ABLIM1: variants seen among roughly 807,000 people sequenced by gnomAD.
ABLIM1 encodes actin binding LIM protein 1, also known as actin-binding LIM protein 1.
A neutral mutation model predicts 107.0 loss-of-function variants in ABLIM1; 40 were observed. The observed-to-expected ratio is 0.37, with a 90% CI of 0.29 to 0.49. The LOEUF (loss-of-function observed/expected upper bound fraction) is 0.49, where lower values mean the gene tolerates loss of function less well. Among genes scored for constraint, ABLIM1 ranks in the 20% least tolerant of loss-of-function variants. The pLI is 0.97. For synonymous variants in ABLIM1, 357 were observed against 357.3 expected, an observed-to-expected ratio of 1.00 and a Z score of 0.01; for missense variants, 857 against 1,008.5, an observed-to-expected ratio of 0.85 and a Z score of 2.04.
At chr10:114,639,784 G>A (rs538017197) in intron 1 of ABLIM1, among the ~76,000 whole-genome samples, 14 of 152,304 alleles carry the variant, frequency 9.2e-5, no homozygotes, top group South Asian at 8.3e-4. Flanking sequence ...ATGGGAGAGC[G>A]GAGCACACAT....
chr10:114,587,429 T>G (rs2074314483), intron 2 of ABLIM1, among the ~76,000 whole-genome samples: 1 of 152,204 alleles, frequency 6.6e-6, no homozygotes, highest in South Asian at 2.1e-4. Flanking sequence ...AGAGCTTACA[T>G]GATCTGATTT....
intron 4 of ABLIM1, among the ~76,000 whole-genome samples, chr10:114,569,044 A>G (rs887306355): frequency 3.3e-5 from 5 of 152,160 alleles, no homozygotes; most frequent in African/African-American, 1.2e-4. Flanking sequence ...AAACCAAACA[A>G]TGAAGAGTAT....
intron 1 of ABLIM1, among the ~76,000 whole-genome samples, chr10:114,729,195 C>A (rs2082022905): frequency 6.6e-6 from 1 of 152,044 alleles, no homozygotes; most frequent in Non-Finnish European, 1.5e-5. Context: ...AGTAGCAGAA[C>A]TAAGATATGA....
chr10:114,536,247 T>C (rs1183974443), intron 6 of ABLIM1, among the ~76,000 whole-genome samples: 20 of 79,336 alleles, frequency 2.5e-4, no homozygotes, highest in African/African-American at 6.8e-4. Flanking sequence ...TTTTTTTTTT[T>C]TTTTTTTTTT....
chr10:114,757,670 C>T (rs1473638292), intron 1 of ABLIM1, among the ~76,000 whole-genome samples: 1 of 152,206 alleles, frequency 6.6e-6, no homozygotes, highest in African/African-American at 2.4e-5. Context: ...ACCATCTTCT[C>T]TTATCTTGAC....
chr10:114,626,806 G>A (rs1337735137), intron 1 of ABLIM1, among the ~76,000 whole-genome samples: 1 of 152,152 alleles, frequency 6.6e-6, no homozygotes, highest in Non-Finnish European at 1.5e-5. Context: ...ATTAGGGTGG[G>A]CCTTAATCCA....
At chr10:114,663,621 G>T (rs11814885) in intron 1 of ABLIM1, among the ~76,000 whole-genome samples, 1,574 of 152,294 alleles carry the variant, frequency 0.01, 27 homozygotes, top group African/African-American at 0.035. Flanking sequence ...ATATACAGCT[G>T]CAAGATATAA....
chr10:114,641,294 A>C (rs933433147), intron 1 of ABLIM1, among the ~76,000 whole-genome samples: 1 of 150,616 alleles, frequency 6.6e-6, no homozygotes, highest in African/African-American at 2.4e-5. Flanking sequence ...CGATGTTAGC[A>C]AATCTTCCCA....
chr10:114,710,747 C>T (rs2081530823), intron 1 of ABLIM1, among the ~76,000 whole-genome samples: 1 of 152,146 alleles, frequency 6.6e-6, no homozygotes, highest in Non-Finnish European at 1.5e-5. Flanking sequence ...TGCCACTGCA[C>T]TCCAGCCTGG....
At chr10:114,748,340 T>C (rs958894926) in intron 1 of ABLIM1, among the ~76,000 whole-genome samples, 8 of 152,172 alleles carry the variant, frequency 5.3e-5, no homozygotes, top group Non-Finnish European at 1.0e-4. Context: ...CAGCTTATAA[T>C]CTGCAATCTA....
At chr10:114,601,688 G>T in intron 2 of ABLIM1, 139 bp downstream of exon 2, 1 of 1,366,196 alleles carries the variant, frequency 7.3e-7, no homozygotes, top group Non-Finnish European at 1.0e-6. Context: ...ATCCCAAACT[G>T]GCAGTAAATG....
At position 114,629,758 on chromosome 10, in the gene ABLIM1, G is replaced by C. The variant is rs999188331; in HGVS notation, c.245-27797C>G. 6.6e-6 allele frequency among the ~76,000 whole-genome samples: 1 copy of C among 152,078 alleles called. No individual in the cohort carries two copies. The highest frequency in any genetic ancestry group is 1.5e-5 in the Non-Finnish European group (1 of 68,026). ...TCTAGGATGAATGCCTGGACTAAAC[G>C]ATCCCCAGTGCCCTTCTCACTTTAA... is the stretch of plus-strand genomic sequence containing the variant. On this transcript the variant is annotated intron_variant, in intron 1 of 22. Transcript: ENST00000533213. The surrounding 1 kb of genome is among the most constrained non-coding windows in gnomAD (Gnocchi z 4.0).
In ABLIM1 at chr10:114,435,916, C is replaced by T. The variant is rs1161161135; in HGVS notation, c.*344G>A. On this transcript the variant is annotated 3_prime_UTR_variant, in exon 23 of 23. Coordinates refer to ENST00000533213, the MANE Select transcript of ABLIM1 (RefSeq NM_002313.7). ...GGCATCCTAAGGGCACTTGCCAGCT[C>T]TTATCCGGACAGTCAGCACTGTTGT... The T allele has an allele frequency of 5.5e-6, 1 of 183,456 alleles. No homozygotes were observed. Among genetic ancestry groups the T allele is most frequent in the Non-Finnish European group, 1.1e-5 (1 of 87,892 alleles). The allele number at this position is 183,456 out of a possible 1,614,324, so 11.4% of individuals were successfully genotyped here. A position where few individuals can be genotyped will look rare whatever the true frequency, so the allele number is the denominator to read the frequency against.
chr10:114,724,640 G>C (rs564064593), intron 1 of ABLIM1, among the ~76,000 whole-genome samples: 7 of 152,232 alleles, frequency 4.6e-5, no homozygotes, highest in African/African-American at 1.7e-4. Flanking sequence ...GCCTTCCAAG[G>C]TGAAGATGGT....
At position 114,511,435 on chromosome 10, in the gene ABLIM1, G is replaced by A. The variant is rs188533303; in HGVS notation, c.895-19557C>T. 1.6e-4 allele frequency among the ~76,000 whole-genome samples: 24 copies of A among 151,694 alleles called. No homozygotes were observed. The East Asian group carries it at 2.7e-3, about 17-fold the overall frequency. On this transcript the variant is annotated intron_variant, in intron 6 of 22. Coordinates refer to ENST00000533213, the MANE Select transcript of ABLIM1 (RefSeq NM_002313.7). ...GGCTGGAGTGCAGTGGTGCAGTGTC[G>A]GCTCACTGCAACCTCCACCTCCTAG...
chr10:114,631,555 G>A (rs2078176913), intron 1 of ABLIM1, among the ~76,000 whole-genome samples: 1 of 152,206 alleles, frequency 6.6e-6, no homozygotes, highest in Non-Finnish European at 1.5e-5. Context: ...ATTGATTGGT[G>A]GGGCGTGGTG....
At chr10:114,557,718 C>A (rs1319400294) in intron 4 of ABLIM1, among the ~76,000 whole-genome samples, 1 of 119,128 alleles carries the variant, frequency 8.4e-6, no homozygotes. Flanking sequence ...ATTGGCCCTT[C>A]TGGTCTTAAA....
Position 114,473,913 on chromosome 10 carries a change from G to T in ABLIM1, c.1085C>A (p.Ser362Tyr). 1.2e-6 allele frequency: 2 copies of T among 1,613,834 alleles called. No individual in the cohort carries two copies. Among genetic ancestry groups the T allele is most frequent in the Non-Finnish European group, 1.7e-6 (2 of 1,179,836 alleles). Residue 362 changes from serine (S) to tyrosine (Y), a missense_variant, in exon 9 of 23, where the codon TCC becomes TAC. Physicochemically the swap from Ser to Tyr is moderately radical, Grantham distance 144. This residue lies in a region of ABLIM1 where 381 missense variants were observed against 506.9 expected (regional missense o/e 0.75). Transcript: ENST00000533213. ...ATGACCTGGTGAGCCAGGAATACTG[G>T]AGCCTGGCCTAGAATAAATACTTTC... ...SSESIYSRPG[S>Y]SIPGSPGHTI...
intron 1 of ABLIM1, among the ~76,000 whole-genome samples, chr10:114,696,602 A>G (rs529519232): frequency 6.6e-6 from 1 of 152,288 alleles, no homozygotes; most frequent in African/African-American, 2.4e-5. Flanking sequence ...ATGGTAGTGA[A>G]TAAGTCTCAT....
Sources: gnomAD v4.1 joint callset for allele counts (sites outside exome capture counted in the v4.1 genomes callset) on GRCh38, gnomAD v4.1.1 for gene constraint, gnomAD v4.1.1 regional missense constraint, Gnocchi (gnomAD v3.1) non-coding constraint, MANE v1.5 for transcripts, NCBI Gene and HGNC (gene_info 2026-07-23, HGNC 2026-07-21) for gene names.